Variants in SEC11A observed in about 807,000 individuals in gnomAD.
SEC11A encodes signal peptidase complex catalytic subunit SEC11A.
SEC11A carries 14 observed loss-of-function variants against 25.6 expected under a neutral mutation model. The ratio of observed to expected loss-of-function variants is 0.55; its 90% CI spans 0.36 to 0.85. SEC11A has a LOEUF of 0.85. Ranked by LOEUF, SEC11A falls within the 40% of genes least tolerant of loss-of-function variation. The probability of loss-of-function intolerance (pLI) is 0.01; values close to 1 mark genes in which losing one functional copy is unlikely to be tolerated. For missense variants in SEC11A, 153 were observed against 222.9 expected (o/e 0.69, Z 2.00); for synonymous variants, 83 against 76.4 (o/e 1.09, Z -0.45).
At chr15:84,715,220 A>G (rs1248859034) in intron 1 of SEC11A, among the ~76,000 whole-genome samples, 1 of 152,162 alleles carries the variant, frequency 6.6e-6, no homozygotes, top group Non-Finnish European at 1.5e-5. Flanking sequence ...TTAAAACAAA[A>G]AAAAAGTCCG....
At chr15:84,714,627 A>T (rs1207070180) in intron 1 of SEC11A, 1 of 152,200 alleles carries the variant, frequency 6.6e-6, no homozygotes, top group African/African-American at 2.4e-5. Context: ...GCTACTTCAA[A>T]CCTCTGAAAT....
intron 1 of SEC11A, among the ~76,000 whole-genome samples, chr15:84,705,778 C>T (rs1898076843): frequency 6.6e-6 from 1 of 151,592 alleles, no homozygotes; most frequent in Admixed American, 6.6e-5. Context: ...CCGCTTGAAC[C>T]CAGGAGGCAG....
intron 3 of SEC11A, among the ~76,000 whole-genome samples, chr15:84,681,626 T>C (rs946951204): frequency 6.6e-6 from 1 of 151,904 alleles, no homozygotes; most frequent in Non-Finnish European, 1.5e-5. Context: ...CGAGACTCCA[T>C]CCCAAAACGA....
At chr15:84,676,583 G>GCTAA in intron 4 of SEC11A, among the ~76,000 whole-genome samples, 1 of 151,830 alleles carries the variant, frequency 6.6e-6, no homozygotes. Context: ...AGACCGCCTG[G>GCTAA]CTAACATGGT....
chr15:84,711,152 G>A (rs191158905), intron 1 of SEC11A, among the ~76,000 whole-genome samples: 1 of 152,110 alleles, frequency 6.6e-6, no homozygotes, highest in East Asian at 1.9e-4. Flanking sequence ...GGAGGCTGAG[G>A]TGGGCAGATG....
chr15:84,678,928 A>C (rs1897211870), intron 4 of SEC11A, among the ~76,000 whole-genome samples: 1 of 151,872 alleles, frequency 6.6e-6, no homozygotes, highest in African/African-American at 2.4e-5. Flanking sequence ...CAGGAGGCAG[A>C]GGTTGCAGTG....
intron 1 of SEC11A, among the ~76,000 whole-genome samples, chr15:84,706,106 C>T (rs1202379828): frequency 6.6e-6 from 1 of 151,820 alleles, no homozygotes; most frequent in Non-Finnish European, 1.5e-5. Context: ...GGGGTTTCAC[C>T]TTGTTGGCTA....
In SEC11A at chr15:84,680,699, C is replaced by T. The variant is rs1897264478; in HGVS notation, c.431+14G>A. 1.3e-6 allele frequency: 2 copies of T among 1,574,938 alleles called. No individual in the cohort carries two copies. Among genetic ancestry groups the T allele is most frequent in the Admixed American group, 3.7e-5 (2 of 54,014 alleles). The stretch of plus-strand genomic sequence containing the variant: ...GTGATATAAAAAGTTTGAGATGCTC[C>T]CCTCTATACTTACCCCCTGGCTCTC... On this transcript the variant is annotated intron_variant, in intron 4 of 5. Transcript: ENST00000268220.
At chr15:84,702,573 A>C (rs1020261308) in intron 1 of SEC11A, among the ~76,000 whole-genome samples, 7 of 152,054 alleles carry the variant, frequency 4.6e-5, no homozygotes, top group Non-Finnish European at 8.8e-5. Flanking sequence ...TGAGCAGCTG[A>C]GATTATAGAC....
chr15:84,683,801 A>G (rs769006354), intron 3 of SEC11A, among the ~76,000 whole-genome samples: 2 of 149,196 alleles, frequency 1.3e-5, no homozygotes, highest in Non-Finnish European at 3.0e-5. Context: ...CTGGGATAAC[A>G]GGCCTGAGCC....
chr15:84,669,607 T>C lies in SEC11A; in HGVS notation c.*412A>G, dbSNP rs560057197. Reference sequence around the variant, plus strand: ...TAAGACTTACGACCACCTCAGTATATGCCATTCCTAATAGAAGGAGGTATG... The same window carrying C: ...TAAGACTTACGACCACCTCAGTATACGCCATTCCTAATAGAAGGAGGTATG... On this transcript the variant is annotated 3_prime_UTR_variant, in exon 6 of 6. Transcript: ENST00000268220. The C allele has an allele frequency of 1.8e-4, 33 of 182,896 alleles. No individual in the cohort carries two copies. Among genetic ancestry groups the C allele is most frequent in the Non-Finnish European group, 3.1e-4 (27 of 86,514 alleles). The allele number at this position is 182,896 out of a possible 1,614,324, so 11.3% of individuals were successfully genotyped here.
At chr15:84,684,870 T>C (rs1897373995) in intron 3 of SEC11A, among the ~76,000 whole-genome samples, 1 of 152,042 alleles carries the variant, frequency 6.6e-6, no homozygotes, top group African/African-American at 2.4e-5. Context: ...AGGCAGAGGT[T>C]GCAGTGAGCC....
chr15:84,702,601 G>C (rs1047532419), intron 1 of SEC11A, among the ~76,000 whole-genome samples: 3 of 152,086 alleles, frequency 2.0e-5, no homozygotes, highest in Non-Finnish European at 2.9e-5. Flanking sequence ...ACAGTGCCCA[G>C]TTTATAAATA....
At chr15:84,715,669 C>A (rs1699322946) in intron 1 of SEC11A, among the ~76,000 whole-genome samples, 1 of 152,210 alleles carries the variant, frequency 6.6e-6, no homozygotes, top group Non-Finnish European at 1.5e-5. Flanking sequence ...CACCTGGAGT[C>A]GCTCCGACTG....
intron 2 of SEC11A, among the ~76,000 whole-genome samples, chr15:84,690,160 G>A (rs541957454): frequency 1.3e-5 from 2 of 152,126 alleles, no homozygotes; most frequent in African/African-American, 4.8e-5. Context: ...TGTTTTGGGA[G>A]GGACCCAGCA....
intron 1 of SEC11A, among the ~76,000 whole-genome samples, chr15:84,702,461 C>T (rs913970118): frequency 5.4e-5 from 8 of 148,568 alleles, no homozygotes; most frequent in African/African-American, 1.5e-4. Flanking sequence ...AGCGAAACTC[C>T]GTCTCAAAAA....
intron 4 of SEC11A, chr15:84,679,850 T>G (rs963237355): frequency 7.0e-6 from 7 of 1,000,870 alleles, no homozygotes; most frequent in Non-Finnish European, 1.0e-5. Context: ...CAATAAGCCC[T>G]AATAAACGTG....
intron 4 of SEC11A, among the ~76,000 whole-genome samples, chr15:84,677,268 C>T (rs1042823066): frequency 6.6e-6 from 1 of 151,664 alleles, no homozygotes; most frequent in Non-Finnish European, 1.5e-5. Flanking sequence ...AGTAGAGGTA[C>T]AATCAATGGA....
At chr15:84,671,489 C>T (rs1486785902) in intron 4 of SEC11A, 2 of 152,202 alleles carry the variant, frequency 1.3e-5, no homozygotes, top group East Asian at 3.8e-4. Flanking sequence ...TTTTCACTAG[C>T]TCTTTCTAAT....
Sources: gnomAD v4.1 joint callset for allele counts (sites outside exome capture counted in the v4.1 genomes callset) on GRCh38, gnomAD v4.1.1 for gene constraint, MANE v1.5 for transcripts, NCBI Gene and HGNC (gene_info 2026-07-23, HGNC 2026-07-21) for gene names.